The following PLXNA4 variants were observed in gnomAD, a reference collection of about 807,000 sequenced individuals.
The protein encoded by PLXNA4 is plexin A4.
In PLXNA4, 44 loss-of-function variants were observed where a neutral mutation model predicts 191.8. The ratio of observed to expected loss-of-function variants is 0.23; its 90% CI spans 0.18 to 0.29. The LOEUF (loss-of-function observed/expected upper bound fraction) is 0.29, where lower values mean the gene tolerates loss of function less well. PLXNA4 is among the 10% of genes least tolerant of loss of function. The pLI, the probability that PLXNA4 is intolerant of heterozygous loss-of-function variation, is 1.00. For missense variants in PLXNA4, 1,800 were observed against 2,488.8 expected (o/e 0.72, Z 5.89); for synonymous variants, 1,082 against 1,009.5 (o/e 1.07, Z -1.36).
intron 2 of PLXNA4, among the ~76,000 whole-genome samples, chr7:132,635,992 TAGG>T (rs1353113362): frequency 1.3e-5 from 2 of 152,164 alleles, no homozygotes; most frequent in African/African-American, 4.8e-5. Context: ...AGGGATCTGT[TAGG>T]AGAAGCCCTC....
At chr7:132,455,703 T>G (rs997823379) in intron 3 of PLXNA4, among the ~76,000 whole-genome samples, 3 of 151,774 alleles carry the variant, frequency 2.0e-5, no homozygotes, top group African/African-American at 7.3e-5. Flanking sequence ...GTGAAAAGAA[T>G]GATACAAGCA....
In PLXNA4 at chr7:132,460,384, A is replaced by C. The variant is rs890909886; in HGVS notation, c.1371+28908T>G. On this transcript the variant is annotated intron_variant, in intron 3 of 31. Transcript: ENST00000321063. ...TGTCTCAAAAAAAGAAAAAAAAAAA[A>C]ACCTCAAATTGTAATTTCTCTAAAT... Among the ~76,000 whole-genome samples the C allele has an allele frequency of 5.3e-5, 8 of 151,952 alleles. No individual in the cohort carries two copies. The East Asian group carries it at 5.9e-4, about 11-fold the overall frequency.
chr7:132,475,002 C>T (rs1249076792), intron 3 of PLXNA4, among the ~76,000 whole-genome samples: 6 of 152,102 alleles, frequency 3.9e-5, no homozygotes, highest in Non-Finnish European at 2.9e-5. Flanking sequence ...AGGTGACATA[C>T]GTGTGGATAA....
rs559969056 is a variant in PLXNA4 at position 132,253,806 on chromosome 7, C to T, written c.1504-12640G>A. On this transcript the variant is annotated intron_variant, in intron 4 of 31. Transcript: ENST00000321063. ...GAAAACCCACACCAATTCCACCCAA[C>T]ATGGAGAAGACTCCATCTCTCCACA... Among the ~76,000 whole-genome samples, 18 of 152,356 alleles carry T rather than the reference C, an allele frequency of 1.2e-4. No homozygotes were observed. In the South Asian group the frequency reaches 3.5e-3, roughly 30 times the overall value.
chr7:132,188,098 G>A (rs918399403), intron 14 of PLXNA4, among the ~76,000 whole-genome samples: 3 of 152,056 alleles, frequency 2.0e-5, no homozygotes, highest in Admixed American at 6.5e-5. Flanking sequence ...GTTCTTGGGT[G>A]GTAAACTGTC....
intron 3 of PLXNA4, among the ~76,000 whole-genome samples, chr7:132,445,356 G>T (rs941393916): frequency 6.6e-6 from 1 of 151,454 alleles, no homozygotes; most frequent in Non-Finnish European, 1.5e-5. Flanking sequence ...TGTCTCTGGG[G>T]TCTTCAAAGC....
intron 2 of PLXNA4, among the ~76,000 whole-genome samples, chr7:132,617,462 C>T (rs563203179): frequency 6.6e-6 from 1 of 152,318 alleles, no homozygotes; most frequent in African/African-American, 2.4e-5. Flanking sequence ...CCTCTGTATT[C>T]CCTGTTTCTG....
chr7:132,405,297 G>A (rs1179895231), intron 3 of PLXNA4, among the ~76,000 whole-genome samples: 1 of 152,130 alleles, frequency 6.6e-6, no homozygotes, highest in Non-Finnish European at 1.5e-5. Context: ...TGGGTTCCTT[G>A]TACACTGATG....
At chr7:132,460,731 C>T (rs1225656540) in intron 3 of PLXNA4, among the ~76,000 whole-genome samples, 1 of 152,176 alleles carries the variant, frequency 6.6e-6, no homozygotes, top group African/African-American at 2.4e-5. Context: ...GAATCCTACC[C>T]TCTGCTAATC....
intron 4 of PLXNA4, among the ~76,000 whole-genome samples, chr7:132,261,467 T>G (rs1249878980): frequency 1.3e-5 from 2 of 152,158 alleles, no homozygotes. Flanking sequence ...TGCGTGAAAA[T>G]GCAGACACAC....
chr7:132,196,177 CA>C (rs2116833589), intron 13 of PLXNA4, among the ~76,000 whole-genome samples: 1 of 152,340 alleles, frequency 6.6e-6, no homozygotes, highest in East Asian at 1.9e-4. Context: ...AAATGTTGAG[CA>C]ACTTGCTTAC....
intron 10 of PLXNA4, among the ~76,000 whole-genome samples, chr7:132,208,944 C>T (rs1211656705): frequency 1.3e-5 from 2 of 152,154 alleles, no homozygotes; most frequent in East Asian, 1.9e-4. Flanking sequence ...CCTGTGATGG[C>T]TAAGGACTCA....
chr7:132,600,743 T>C (rs1802801885), intron 2 of PLXNA4, among the ~76,000 whole-genome samples: 1 of 152,184 alleles, frequency 6.6e-6, no homozygotes, highest in South Asian at 2.1e-4. Context: ...ATCTAGCCTA[T>C]AATTATTCAT....
At chr7:132,281,555 T>C (rs1251816172) in intron 4 of PLXNA4, among the ~76,000 whole-genome samples, 1 of 152,232 alleles carries the variant, frequency 6.6e-6, no homozygotes, top group African/African-American at 2.4e-5. Flanking sequence ...TTACTCATTA[T>C]TGGCAACAAA....
At chr7:132,254,991 G>T (rs1799384595) in intron 4 of PLXNA4, among the ~76,000 whole-genome samples, 2 of 152,092 alleles carry the variant, frequency 1.3e-5, no homozygotes, top group Non-Finnish European at 2.9e-5. Context: ...CCCATTCTCA[G>T]GGGGGGTGGC....
At chr7:132,194,271 A>G in intron 13 of PLXNA4, 92 bp from the exon 14 acceptor site, 1 of 1,485,520 alleles carries the variant, frequency 6.7e-7, no homozygotes, top group Non-Finnish European at 9.0e-7. Flanking sequence ...CTTTCTCCAC[A>G]GTAGGATCTC....
At chr7:132,609,666 C>A (rs911836135) in intron 2 of PLXNA4, among the ~76,000 whole-genome samples, 12 of 152,202 alleles carry the variant, frequency 7.9e-5, no homozygotes, top group African/African-American at 1.7e-4. Flanking sequence ...GAATAAACAG[C>A]CTCTCTGGTG....
At chr7:132,382,926 A>G (rs1804957064) in intron 3 of PLXNA4, among the ~76,000 whole-genome samples, 1 of 152,316 alleles carries the variant, frequency 6.6e-6, no homozygotes, top group East Asian at 1.9e-4. Flanking sequence ...TATTATGTTC[A>G]TGAACTTTTT....
intron 1 of PLXNA4, among the ~76,000 whole-genome samples, chr7:132,533,417 C>T (rs1199656612): frequency 6.6e-6 from 1 of 152,184 alleles, no homozygotes; most frequent in East Asian, 1.9e-4. Flanking sequence ...TGTCTCCAGA[C>T]ATCACCTGTT....
Sources: gnomAD v4.1 joint callset for allele counts (sites outside exome capture counted in the v4.1 genomes callset) on GRCh38, gnomAD v4.1.1 for gene constraint, MANE v1.5 for transcripts, NCBI Gene and HGNC (gene_info 2026-07-23, HGNC 2026-07-21) for gene names.